Variants in FMNL2 observed in about 807,000 individuals in gnomAD.
FMNL2 encodes formin-like protein 2.
Under a neutral mutation model 130.2 loss-of-function variants are expected in FMNL2, and 51 were observed. The ratio of observed to expected loss-of-function variants is 0.39; its 90% CI spans 0.31 to 0.49. FMNL2 has a LOEUF of 0.49. Among genes scored for constraint, FMNL2 ranks in the 20% least tolerant of loss-of-function variants. FMNL2 has a pLI of 0.85. For missense variants in FMNL2, 977 were observed against 1,316.2 expected (o/e 0.74, Z 3.99); for synonymous variants, 465 against 467.1 (o/e 1.00, Z 0.06).
intron 25 of FMNL2, chr2:152,643,330 T>C (rs1253237555): frequency 2.0e-5 from 30 of 1,510,438 alleles, no homozygotes; most frequent in Admixed American, 4.0e-5. Context: ...CAGGTATGAT[T>C]AACAATGCAC....
chr2:152,369,822 G>A (rs1293109321), intron 1 of FMNL2, among the ~76,000 whole-genome samples: 2 of 152,156 alleles, frequency 1.3e-5, no homozygotes, highest in East Asian at 1.9e-4. Context: ...TTTTTAACAT[G>A]GGGAAGGCAT....
intron 20 of FMNL2, 61 bp downstream of exon 20, chr2:152,629,966 G>A: frequency 6.9e-7 from 1 of 1,456,016 alleles, no homozygotes; most frequent in Non-Finnish European, 9.4e-7. Flanking sequence ...CAGAGATGAA[G>A]TTAGGGTGGT....
At chr2:152,440,613 A>G (rs1433464483) in intron 1 of FMNL2, among the ~76,000 whole-genome samples, 2 of 152,252 alleles carry the variant, frequency 1.3e-5, no homozygotes, top group African/African-American at 4.8e-5. Flanking sequence ...TCCTTGATGT[A>G]TATGGGTAGT....
chr2:152,607,787 G>T (rs1264610790), intron 10 of FMNL2: 2 of 161,682 alleles, frequency 1.2e-5, no homozygotes, highest in Non-Finnish European at 1.4e-5. Context: ...GCAGGCCCCT[G>T]CCAGTGCCCT....
chr2:152,640,422 G>A (rs1682983053), intron 24 of FMNL2, among the ~76,000 whole-genome samples: 1 of 152,208 alleles, frequency 6.6e-6, no homozygotes, highest in Non-Finnish European at 1.5e-5. Context: ...AGCAGGAATG[G>A]AGGGAACATT....
At chr2:152,496,181 G>A (rs1004890135) in intron 1 of FMNL2, among the ~76,000 whole-genome samples, 26 of 152,026 alleles carry the variant, frequency 1.7e-4, no homozygotes, top group Admixed American at 1.2e-3. Context: ...ATCTAGGGCC[G>A]GTTCCTACAT....
At chr2:152,591,086 T>C (rs2105776543) in intron 9 of FMNL2, among the ~76,000 whole-genome samples, 1 of 140,742 alleles carries the variant, frequency 7.1e-6, no homozygotes, top group Non-Finnish European at 1.5e-5. Context: ...CTCAGCTCAC[T>C]GCAACCTCCG....
intron 14 of FMNL2, 138 bp downstream of exon 14, chr2:152,619,296 T>C: frequency 7.7e-7 from 1 of 1,297,822 alleles, no homozygotes; most frequent in Middle Eastern, 2.8e-4. Context: ...AGTTCTTAAC[T>C]GTTTACATTT....
intron 9 of FMNL2, among the ~76,000 whole-genome samples, chr2:152,587,610 A>G (rs1018699592): frequency 6.6e-6 from 1 of 152,204 alleles, no homozygotes; most frequent in Non-Finnish European, 1.5e-5. Context: ...AGCCTTCCCT[A>G]GAGAAAGGAG....
At chr2:152,458,033 C>G (rs745373385) in intron 1 of FMNL2, among the ~76,000 whole-genome samples, 2 of 152,104 alleles carry the variant, frequency 1.3e-5, no homozygotes, top group Non-Finnish European at 2.9e-5. Context: ...TTCACAAGGT[C>G]TTTAACTTTA....
At chr2:152,452,758 C>T (rs930352519) in intron 1 of FMNL2, among the ~76,000 whole-genome samples, 2 of 135,594 alleles carry the variant, frequency 1.5e-5, no homozygotes, top group South Asian at 2.2e-4. Flanking sequence ...ATACCTTTGT[C>T]GAGGGCCCGA....
intron 1 of FMNL2, among the ~76,000 whole-genome samples, chr2:152,513,203 C>A (rs552276543): frequency 1.3e-5 from 2 of 152,234 alleles, no homozygotes; most frequent in Admixed American, 1.3e-4. Flanking sequence ...TGTGTGAACA[C>A]CACAGAGAAA....
chr2:152,647,470 CAA>C (rs1169842832), intron 25 of FMNL2, among the ~76,000 whole-genome samples: 1 of 151,970 alleles, frequency 6.6e-6, no homozygotes, highest in Admixed American at 6.6e-5. Flanking sequence ...AAAAACAAAA[CAA>C]AAAAATTAAG....
Position 152,619,572 on chromosome 2 carries a change from C to T in FMNL2, c.1691C>T (p.Pro564Leu), listed in dbSNP as rs1699138817. 3.4e-6 allele frequency: 5 copies of T among 1,489,980 alleles called. No homozygotes were observed. Among genetic ancestry groups the T allele is most frequent in the Non-Finnish European group, 4.6e-6 (5 of 1,098,768 alleles). 92.3% of individuals were successfully genotyped at this position (1,489,980 alleles called of 1,614,324 possible). Residue 564 changes from proline (P) to leucine (L), a missense_variant, in exon 15 of 26, where the codon CCT becomes CTT. Pro to Leu is a moderately conservative substitution (Grantham distance 98). Coordinates refer to ENST00000288670, the MANE Select transcript of FMNL2 (RefSeq NM_052905.4). ...PPPPPPPPPP[P>L]PPPPPPPPPL... ...CCGCCGCCCCCTCCTCCACCTCCTC[C>T]TCCCCCACCGCCCCCTCCGCCTCCT...
At chr2:152,459,580 T>C (rs1387487680) in intron 1 of FMNL2, among the ~76,000 whole-genome samples, 1 of 152,236 alleles carries the variant, frequency 6.6e-6, no homozygotes, top group Non-Finnish European at 1.5e-5. Flanking sequence ...CTATCAACTT[T>C]ATAGACGTTG....
At chr2:152,494,705 T>C (rs1332946351) in intron 1 of FMNL2, among the ~76,000 whole-genome samples, 1 of 152,232 alleles carries the variant, frequency 6.6e-6, no homozygotes, top group African/African-American at 2.4e-5. Context: ...TAATTTTAGA[T>C]TACTCTTGAA....
chr2:152,372,761 A>G (rs540441601), intron 1 of FMNL2, among the ~76,000 whole-genome samples: 192 of 152,348 alleles, frequency 1.3e-3, no homozygotes, highest in South Asian at 2.5e-3. Flanking sequence ...GTGGATTGCT[A>G]TTAATTACAG....
Position 152,578,722 on chromosome 2 carries a change from G to T in FMNL2, c.706-166G>T, listed in dbSNP as rs138111734. ...TCTGGCATTCTTGAAATTTTTAATA[G>T]AGAAATATGCTCTGACAGTGATATA... On this transcript the variant is annotated intron_variant, in intron 7 of 25. Coordinates refer to ENST00000288670, the MANE Select transcript of FMNL2 (RefSeq NM_052905.4). 1.0e-3 allele frequency: 461 copies of T among 461,176 alleles called. 1 individual carries two copies. Among genetic ancestry groups the T allele is most frequent in the African/African-American group, 8.6e-3 (419 of 48,742 alleles). 28.6% of individuals were successfully genotyped at this position (461,176 alleles called of 1,614,324 possible).
chr2:152,568,223 T>TTTTTGTTTTTGTTTTGTTTTTG (rs1553478443), intron 6 of FMNL2, among the ~76,000 whole-genome samples: 1 of 132,276 alleles, frequency 7.6e-6, no homozygotes, highest in Non-Finnish European at 1.6e-5. Flanking sequence ...GGTGGGTTTT[T>TTTTTGTTTTTGTTTTGTTTTTG]TTTTTTTTTT....
Sources: allele counts gnomAD v4.1 joint callset (sites outside exome capture counted in the v4.1 genomes callset), GRCh38; gene constraint gnomAD v4.1.1; transcripts MANE v1.5; gene names NCBI Gene and HGNC (gene_info 2026-07-23, HGNC 2026-07-21).